The following SEZ6L variants were observed in gnomAD, a reference collection of about 807,000 sequenced individuals.
SEZ6L encodes seizure 6-like protein.
A neutral mutation model predicts 106.2 loss-of-function variants in SEZ6L; 37 were observed. The ratio of observed to expected loss-of-function variants is 0.35; its 90% CI spans 0.27 to 0.46. The LOEUF is 0.46. SEZ6L is among the 20% of genes least tolerant of loss of function. The pLI, the probability that SEZ6L is intolerant of heterozygous loss-of-function variation, is 1.00. For missense variants in SEZ6L, 1,172 were observed against 1,332.8 expected (o/e 0.88, Z 1.88); for synonymous variants, 541 against 570.4 (o/e 0.95, Z 0.73).
rs529816733 is a variant in SEZ6L, at chr22:26,261,691, A to G, written c.95-30715A>G. Among the ~76,000 whole-genome samples, 7 of 152,346 alleles carry G rather than the reference A, an allele frequency of 4.6e-5. No individual in the cohort carries two copies. The East Asian group carries it at 1.2e-3, about 25-fold the overall frequency. On this transcript the variant is annotated intron_variant, in intron 1 of 16. Transcript: ENST00000248933. ...CAGAGGAGACAAGTAGTGTGTGCCT[A>G]CTAAGCATAAAGTACAGATGCTGTA...
At chr22:26,226,796 A>T (rs770190453) in intron 1 of SEZ6L, among the ~76,000 whole-genome samples, 22 of 152,232 alleles carry the variant, frequency 1.4e-4, no homozygotes, top group Non-Finnish European at 2.2e-4. Context: ...CATGCAGGAA[A>T]GATTTTGAAG....
intron 12 of SEZ6L, chr22:26,351,458 C>A: frequency 2.1e-6 from 1 of 483,438 alleles, no homozygotes. Flanking sequence ...AAGTCTTCTA[C>A]CAAATTTCAC....
rs148332075 is a variant in SEZ6L at position 26,319,911 on chromosome 22, C to T, written c.2015+6009C>T. Among the ~76,000 whole-genome samples, 837 of 152,176 alleles carry T rather than the reference C, an allele frequency of 5.5e-3. 3 individuals carry two copies. The highest frequency in any genetic ancestry group is 0.01 in the Middle Eastern group (3 of 294). ...AGGCTTCAAAGCGAGAATTTGAACC[C>T]AAATTTATGTTCAGCTGGCTATGAT... On this transcript the variant is annotated intron_variant, in intron 9 of 16. Coordinates refer to ENST00000248933, the MANE Select transcript of SEZ6L (RefSeq NM_021115.5).
At chr22:26,207,961 G>A (rs1225748299) in intron 1 of SEZ6L, among the ~76,000 whole-genome samples, 1 of 150,534 alleles carries the variant, frequency 6.6e-6, no homozygotes, top group African/African-American at 2.5e-5. Context: ...CCAGGCTGGA[G>A]TGCAGTGGCG....
At position 26,245,106 on chromosome 22, in the gene SEZ6L, T is replaced by A. The variant is rs146991668; in HGVS notation, c.95-47300T>A. ...TACATCTGCCTTTGTTGGGGCGCTCTGGTTTCCCGTGCCCCTTTGTGGTGG... is the reference window on the plus strand; with the variant it reads ...TACATCTGCCTTTGTTGGGGCGCTCAGGTTTCCCGTGCCCCTTTGTGGTGG... On this transcript the variant is annotated intron_variant, in intron 1 of 16. Coordinates refer to ENST00000248933, the MANE Select transcript of SEZ6L (RefSeq NM_021115.5). Among the ~76,000 whole-genome samples, 1,240 of 152,284 alleles carry A rather than the reference T, an allele frequency of 8.1e-3. 20 individuals carry two copies. Among genetic ancestry groups the A allele is most frequent in the African/African-American group, 0.028 (1,166 of 41,574 alleles).
At chr22:26,274,932 C>T (rs1421614995) in intron 1 of SEZ6L, among the ~76,000 whole-genome samples, 2 of 152,232 alleles carry the variant, frequency 1.3e-5, no homozygotes, top group African/African-American at 4.8e-5. Context: ...CAAGCTAATA[C>T]CAAGGCCAAG....
chr22:26,234,824 G>A (rs1294163988), intron 1 of SEZ6L, among the ~76,000 whole-genome samples: 1 of 152,254 alleles, frequency 6.6e-6, no homozygotes, highest in Non-Finnish European at 1.5e-5. Context: ...ACAGGAAAGT[G>A]TGATGAAAAC....
intron 3 of SEZ6L, among the ~76,000 whole-genome samples, chr22:26,295,061 C>A (rs981575576): frequency 6.6e-6 from 1 of 152,120 alleles, no homozygotes; most frequent in Non-Finnish European, 1.5e-5. Flanking sequence ...TGGCATAATG[C>A]TCAAACATCT....
At chr22:26,279,287 G>T (rs910551345) in intron 1 of SEZ6L, among the ~76,000 whole-genome samples, 1 of 152,158 alleles carries the variant, frequency 6.6e-6, no homozygotes, top group Non-Finnish European at 1.5e-5. Context: ...CTCCCACGGA[G>T]GGTGAACTGC....
chr22:26,312,279 C>G (rs2081862117), intron 8 of SEZ6L, among the ~76,000 whole-genome samples: 1 of 152,238 alleles, frequency 6.6e-6, no homozygotes, highest in Non-Finnish European at 1.5e-5. Flanking sequence ...GTGCACAACC[C>G]ACGCAATAAC....
chr22:26,297,416 C>A (rs896802370), intron 4 of SEZ6L, among the ~76,000 whole-genome samples: 1 of 151,984 alleles, frequency 6.6e-6, no homozygotes, highest in Non-Finnish European at 1.5e-5. Flanking sequence ...GTTGAGATAT[C>A]CATTATGATA....
intron 7 of SEZ6L, 23 bp downstream of exon 7, chr22:26,310,859 C>T (rs778749877): frequency 1.2e-6 from 2 of 1,610,764 alleles, no homozygotes; most frequent in Non-Finnish European, 1.7e-6. Flanking sequence ...GGGAGCTTCC[C>T]TTTCTCTTGT....
At chr22:26,319,566 A>G (rs2082097842) in intron 9 of SEZ6L, among the ~76,000 whole-genome samples, 1 of 152,234 alleles carries the variant, frequency 6.6e-6, no homozygotes, top group African/African-American at 2.4e-5. Flanking sequence ...GGGCCTTTGC[A>G]CTGCTGTCTC....
At chr22:26,210,932 A>G (rs2078139540) in intron 1 of SEZ6L, among the ~76,000 whole-genome samples, 10 of 152,146 alleles carry the variant, frequency 6.6e-5, no homozygotes, top group Admixed American at 6.5e-4. Context: ...ACCCTCCTGC[A>G]CTCCAACAAT....
rs2083064263 is a variant in SEZ6L at position 26,347,905 on chromosome 22, G to T, written c.2399G>T (p.Cys800Phe). The T allele has an allele frequency of 6.4e-7, 1 of 1,567,880 alleles. No homozygotes were observed. Among genetic ancestry groups the T allele is most frequent in the Non-Finnish European group, 8.6e-7 (1 of 1,164,290 alleles). Reference protein sequence around the residue: ...DLSWSSDPPFCEKIMYCTDPG... With the variant: ...DLSWSSDPPFFEKIMYCTDPG... ...AGCTGGAGCAGCGACCCCCCATTTTGTGAGAAAAGTAAGAGTGGTCTTGTT... is the reference window on the plus strand; with the variant it reads ...AGCTGGAGCAGCGACCCCCCATTTTTTGAGAAAAGTAAGAGTGGTCTTGTT... Residue 800 changes from cysteine (C) to phenylalanine (F), a missense_variant, in exon 11 of 17, where the codon TGT (cysteine) becomes TTT (phenylalanine). By Grantham distance (205) the Cys-to-Phe change is radical. Coordinates refer to ENST00000248933, the MANE Select transcript of SEZ6L (RefSeq NM_021115.5).
At chr22:26,338,792 G>A (rs763245237) in intron 9 of SEZ6L, among the ~76,000 whole-genome samples, 10 of 149,578 alleles carry the variant, frequency 6.7e-5, no homozygotes, top group African/African-American at 1.7e-4. Flanking sequence ...TCTTGACCTC[G>A]TGATCCTCCT....
intron 15 of SEZ6L, among the ~76,000 whole-genome samples, chr22:26,377,129 T>TA (rs960782648): frequency 6.6e-6 from 1 of 151,346 alleles, no homozygotes; most frequent in East Asian, 1.9e-4. Context: ...TCTTAAAAAA[T>TA]AAAAAAAATA....
chr22:26,371,084 T>A (rs996660741), intron 13 of SEZ6L, among the ~76,000 whole-genome samples: 3 of 151,736 alleles, frequency 2.0e-5, no homozygotes, highest in African/African-American at 7.3e-5. Context: ...AGTAGTGCCA[T>A]GTTATTTTTT....
chr22:26,210,339 C>A (rs1215799730), intron 1 of SEZ6L, among the ~76,000 whole-genome samples: 1 of 152,142 alleles, frequency 6.6e-6, no homozygotes, highest in African/African-American at 2.4e-5. Flanking sequence ...CCTTCTCTGC[C>A]CCCAGAGAGG....
Sources: allele counts gnomAD v4.1 joint callset (sites outside exome capture counted in the v4.1 genomes callset), GRCh38; gene constraint gnomAD v4.1.1; transcripts MANE v1.5; gene names NCBI Gene and HGNC (gene_info 2026-07-23, HGNC 2026-07-21).